MDFIC: variants seen among roughly 807,000 people sequenced by gnomAD.
MDFIC encodes the protein myoD family inhibitor domain-containing protein.
In MDFIC, 17 loss-of-function variants were observed where a neutral mutation model predicts 23.2. That is an observed-to-expected ratio of 0.73 (90% CI 0.50 to 1.10). The LOEUF (loss-of-function observed/expected upper bound fraction) is 1.10, where lower values mean the gene tolerates loss of function less well. MDFIC is among the 50% of genes least tolerant of loss of function. The pLI, the probability that MDFIC is intolerant of heterozygous loss-of-function variation, is 0.00. For missense variants in MDFIC, 356 were observed against 316.6 expected, an observed-to-expected ratio of 1.12 and a Z score of -0.95; for synonymous variants, 120 against 115.2, an observed-to-expected ratio of 1.04 and a Z score of -0.27.
intron 3 of MDFIC, among the ~76,000 whole-genome samples, chr7:114,969,127 T>A (rs1793156526): frequency 6.6e-6 from 1 of 152,242 alleles, no homozygotes; most frequent in South Asian, 2.1e-4. Context: ...ACACATAGTA[T>A]GATATCTGTA....
At chr7:115,002,176 C>G (rs1266014250) in intron 4 of MDFIC, among the ~76,000 whole-genome samples, 1 of 152,112 alleles carries the variant, frequency 6.6e-6, no homozygotes, top group African/African-American at 2.4e-5. Flanking sequence ...CAAAAAGAAA[C>G]TGGCTTCCCG....
At chr7:114,995,760 G>T (rs1791312010) in intron 4 of MDFIC, among the ~76,000 whole-genome samples, 1 of 152,216 alleles carries the variant, frequency 6.6e-6, no homozygotes, top group South Asian at 2.1e-4. Flanking sequence ...CCCCTACTGG[G>T]GGGTGCCTCC....
At chr7:114,962,812 A>G (rs2115872142) in intron 3 of MDFIC, among the ~76,000 whole-genome samples, 1 of 152,348 alleles carries the variant, frequency 6.6e-6, no homozygotes, top group Admixed American at 6.5e-5. Flanking sequence ...GAGCAGATTC[A>G]TAAGAATGGC....
At chr7:115,005,434 A>G (rs934730696) in intron 4 of MDFIC, among the ~76,000 whole-genome samples, 2 of 152,204 alleles carry the variant, frequency 1.3e-5, no homozygotes, top group African/African-American at 4.8e-5. Context: ...GACACTTACA[A>G]CCCTTTCTTT....
intron 3 of MDFIC, among the ~76,000 whole-genome samples, chr7:114,966,405 C>CA (rs61377366): frequency 0.52 from 63,177 of 120,986 alleles, 14,586 homozygotes; most frequent in Non-Finnish European, 0.57. Flanking sequence ...GTCAGGAAAC[C>CA]AAAAAAAAAA....
At chr7:114,960,706 G>T (rs886679709) in intron 3 of MDFIC, among the ~76,000 whole-genome samples, 2 of 152,054 alleles carry the variant, frequency 1.3e-5, no homozygotes, top group Non-Finnish European at 2.9e-5. Flanking sequence ...GTTTTTGTTT[G>T]CCTCTTAGGA....
intron 4 of MDFIC, among the ~76,000 whole-genome samples, chr7:114,984,730 A>G (rs564641667): frequency 3.3e-5 from 5 of 152,354 alleles, no homozygotes; most frequent in African/African-American, 9.6e-5. Flanking sequence ...TCAAATTGCC[A>G]AGGGTTTTCA....
chr7:114,922,833 G>A (rs1171682817), intron 1 of MDFIC, 94 bp from the exon 2 acceptor site: 3 of 1,404,356 alleles, frequency 2.1e-6, no homozygotes, highest in Non-Finnish European at 2.9e-6. Flanking sequence ...GGAGTTTGAG[G>A]GAGGGAAGTG....
chr7:114,950,737 A>G (rs1023479811), intron 3 of MDFIC, among the ~76,000 whole-genome samples: 1 of 152,214 alleles, frequency 6.6e-6, no homozygotes, highest in Non-Finnish European at 1.5e-5. Flanking sequence ...CTATAATCAG[A>G]AAAGGCTGCA....
intron 4 of MDFIC, among the ~76,000 whole-genome samples, chr7:114,989,982 A>G (rs1477804188): frequency 6.6e-6 from 1 of 152,194 alleles, no homozygotes; most frequent in Non-Finnish European, 1.5e-5. Context: ...CATAGCTTTT[A>G]CACATAGTAT....
intron 4 of MDFIC, among the ~76,000 whole-genome samples, chr7:114,993,339 G>T (rs1330747074): frequency 1.3e-5 from 2 of 152,002 alleles, no homozygotes. Context: ...AGTTTTTTGT[G>T]TCTCTATCTC....
At chr7:114,924,248 C>A (rs775883191) in intron 2 of MDFIC, among the ~76,000 whole-genome samples, 1 of 152,052 alleles carries the variant, frequency 6.6e-6, no homozygotes, top group Non-Finnish European at 1.5e-5. Context: ...GAGAAGCAGC[C>A]CGTGTTCTCC....
intron 3 of MDFIC, among the ~76,000 whole-genome samples, chr7:114,974,331 A>T (rs1481377459): frequency 6.6e-6 from 1 of 151,950 alleles, no homozygotes; most frequent in Non-Finnish European, 1.5e-5. Flanking sequence ...ATCTGTGTGT[A>T]TATTTGTCCC....
intron 2 of MDFIC, among the ~76,000 whole-genome samples, chr7:114,939,171 A>T (rs1792491512): frequency 6.6e-6 from 1 of 152,220 alleles, no homozygotes; most frequent in African/African-American, 2.4e-5. Flanking sequence ...ATAAAATAAC[A>T]TGCATATATT....
rs1466868855 is a variant in MDFIC at position 115,017,927 on chromosome 7, C to G, written c.*1992C>G. ...TAACCTGAAGCATGAGAATATATCA[C>G]CTGTGGTTTTTCCTTTGAGATGAAA... On this transcript the variant is annotated 3_prime_UTR_variant, in exon 5 of 5. Coordinates refer to ENST00000393486, the MANE Select transcript of MDFIC (RefSeq NM_001166345.3). 6.6e-6 allele frequency: 1 copy of G among 151,972 alleles called. No individual in the cohort carries two copies. The highest frequency in any genetic ancestry group is 1.5e-5 in the Non-Finnish European group (1 of 67,870). 9.4% of individuals were successfully genotyped at this position (151,972 alleles called of 1,614,324 possible). A position where few individuals can be genotyped will look rare whatever the true frequency, so the allele number is the denominator to read the frequency against.
intron 4 of MDFIC, among the ~76,000 whole-genome samples, chr7:115,004,733 T>G (rs1562828294): frequency 6.6e-6 from 1 of 152,218 alleles, no homozygotes; most frequent in Admixed American, 6.5e-5. Context: ...ATTCCATTTT[T>G]TTTTTCCACT....
At chr7:114,930,345 C>T (rs1407201391) in intron 2 of MDFIC, among the ~76,000 whole-genome samples, 1 of 152,122 alleles carries the variant, frequency 6.6e-6, no homozygotes, top group Non-Finnish European at 1.5e-5. Flanking sequence ...ATGCATATCA[C>T]GCATGTGTGG....
At chr7:114,953,189 T>A (rs1383583808) in intron 3 of MDFIC, among the ~76,000 whole-genome samples, 4 of 152,196 alleles carry the variant, frequency 2.6e-5, no homozygotes, top group Admixed American at 2.0e-4. Flanking sequence ...TTTACATCTT[T>A]TAAATAACAA....
At chr7:114,922,660 G>A in intron 1 of MDFIC, 24 bp downstream of exon 1, 3 of 1,315,496 alleles carry the variant, frequency 2.3e-6, no homozygotes, top group African/African-American at 1.5e-5. Flanking sequence ...TCCGGGCGGG[G>A]AAGAGGAGGG....
Sources: allele counts gnomAD v4.1 joint callset (sites outside exome capture counted in the v4.1 genomes callset), GRCh38; gene constraint gnomAD v4.1.1; transcripts MANE v1.5; gene names NCBI Gene and HGNC (gene_info 2026-07-23, HGNC 2026-07-21).